The following RBFOX1 variants were observed in gnomAD, a reference collection of about 807,000 sequenced individuals.
RBFOX1 encodes the protein RNA binding protein fox-1 homolog 1.
RBFOX1 carries 8 observed loss-of-function variants against 57.7 expected under a neutral mutation model. The observed-to-expected ratio is 0.14, with a 90% CI of 0.08 to 0.25. RBFOX1 has a LOEUF of 0.25. Among genes scored for constraint, RBFOX1 ranks in the 10% least tolerant of loss-of-function variants. The pLI is 1.00. For synonymous variants in RBFOX1, 326 were observed against 222.4 expected, an observed-to-expected ratio of 1.47 and a Z score of -4.15; for missense variants, 611 against 548.5, an observed-to-expected ratio of 1.11 and a Z score of -1.14.
chr16:5,309,536 G>A (rs2064026998), intron 1 of RBFOX1, among the ~76,000 whole-genome samples: 8 of 152,026 alleles, frequency 5.3e-5, no homozygotes, highest in Admixed American at 5.2e-4. Context: ...TAAACTTAGG[G>A]GGTACAAGTG....
At chr16:6,004,850 C>T (rs910097203) in intron 4 of RBFOX1, among the ~76,000 whole-genome samples, 3 of 152,210 alleles carry the variant, frequency 2.0e-5, no homozygotes, top group Admixed American at 6.5e-5. Flanking sequence ...ACGTATTAGA[C>T]CTTAGGTGGA....
intron 2 of RBFOX1, among the ~76,000 whole-genome samples, chr16:6,452,199 G>A (rs911129689): frequency 1.4e-5 from 2 of 140,158 alleles, no homozygotes; most frequent in African/African-American, 5.5e-5. Context: ...TCCACCCATG[G>A]CTTCTTCCTT....
intron 1 of RBFOX1, among the ~76,000 whole-genome samples, chr16:5,427,153 G>T (rs2067586268): frequency 1.3e-5 from 2 of 152,194 alleles, no homozygotes; most frequent in Admixed American, 1.3e-4. Context: ...TGGAAGTAAG[G>T]TTGGAGCCCT....
At chr16:7,430,557 G>C (rs1320894787) in intron 4 of RBFOX1, among the ~76,000 whole-genome samples, 1 of 151,872 alleles carries the variant, frequency 6.6e-6, no homozygotes, top group Non-Finnish European at 1.5e-5. Flanking sequence ...AGCTACTCGA[G>C]AGGCTGAGGC....
At chr16:5,367,757 G>A (rs79241991) in intron 1 of RBFOX1, among the ~76,000 whole-genome samples, 1 of 152,170 alleles carries the variant, frequency 6.6e-6, no homozygotes, top group Non-Finnish European at 1.5e-5. Context: ...ATGAGACAGG[G>A]CACACGGAGG....
chr16:6,708,439 T>G (rs1342019297), intron 3 of RBFOX1, among the ~76,000 whole-genome samples: 1 of 152,228 alleles, frequency 6.6e-6, no homozygotes, highest in African/African-American at 2.4e-5. Flanking sequence ...ACCTGTCATT[T>G]TTGTGAAAAG....
chr16:7,207,438 A>C (rs556133654), intron 4 of RBFOX1, among the ~76,000 whole-genome samples: 1 of 152,314 alleles, frequency 6.6e-6, no homozygotes, highest in South Asian at 2.1e-4. Flanking sequence ...CAAAATAGTC[A>C]AAACATAACA....
intron 4 of RBFOX1, among the ~76,000 whole-genome samples, chr16:5,888,778 CAA>C (rs1277510170): frequency 9.3e-6 from 1 of 107,640 alleles, no homozygotes; most frequent in Non-Finnish European, 1.8e-5. Flanking sequence ...ATCTGGGCGA[CAA>C]GAGCGAAACT....
At chr16:5,365,173 G>A (rs560798484) in intron 1 of RBFOX1, among the ~76,000 whole-genome samples, 2 of 152,196 alleles carry the variant, frequency 1.3e-5, no homozygotes, top group South Asian at 4.2e-4. Flanking sequence ...CCTAAGTACC[G>A]CTTCGTGGAG....
intron 1 of RBFOX1, among the ~76,000 whole-genome samples, chr16:5,389,245 A>T (rs1429082435): frequency 6.6e-6 from 1 of 152,136 alleles, no homozygotes; most frequent in African/African-American, 2.4e-5. Flanking sequence ...GAAAATTTCA[A>T]AGAATGAAGG....
chr16:6,244,035 T>C (rs889471124), intron 1 of RBFOX1, among the ~76,000 whole-genome samples: 2 of 152,154 alleles, frequency 1.3e-5, no homozygotes, highest in Non-Finnish European at 2.9e-5. Context: ...GAGCCGTGAG[T>C]GATGCAGTCT....
chr16:6,122,802 A>ATATGTG (rs1555515061), intron 1 of RBFOX1, among the ~76,000 whole-genome samples: 2 of 147,736 alleles, frequency 1.4e-5, no homozygotes, highest in African/African-American at 2.5e-5. Context: ...ATGTGTGTGT[A>ATATGTG]TGTGTGTGTG....
At chr16:6,734,509 C>T (rs1016982241) in intron 3 of RBFOX1, among the ~76,000 whole-genome samples, 1 of 152,132 alleles carries the variant, frequency 6.6e-6, no homozygotes, top group African/African-American at 2.4e-5. Flanking sequence ...GGAAGTTAAA[C>T]CACTTACTTG....
intron 3 of RBFOX1, among the ~76,000 whole-genome samples, chr16:6,871,187 C>T (rs1439851730): frequency 6.6e-6 from 1 of 152,076 alleles, no homozygotes; most frequent in East Asian, 1.9e-4. Context: ...TTCAGAAAAT[C>T]ACCCCTGCTT....
intron 7 of RBFOX1, among the ~76,000 whole-genome samples, chr16:7,591,850 C>T (rs1400391013): frequency 6.6e-6 from 1 of 152,082 alleles, no homozygotes. Flanking sequence ...TTGCTGCTTC[C>T]CTGAGTTAGA....
intron 4 of RBFOX1, among the ~76,000 whole-genome samples, chr16:7,198,448 C>T (rs902675170): frequency 6.6e-6 from 1 of 152,188 alleles, no homozygotes; most frequent in Admixed American, 6.5e-5. Flanking sequence ...ATGAATTCCA[C>T]CTCCATTGCA....
At chr16:5,366,168 G>C (rs1596680544) in intron 1 of RBFOX1, 1 of 423,188 alleles carries the variant, frequency 2.4e-6, no homozygotes, top group East Asian at 5.8e-5. Context: ...TGCAGAGTCA[G>C]AAGACGAAGA....
intron 3 of RBFOX1, among the ~76,000 whole-genome samples, chr16:6,819,732 TAACAAC>T (rs1161084963): frequency 1.3e-5 from 1 of 76,150 alleles, no homozygotes; most frequent in East Asian, 3.6e-4. Flanking sequence ...AAAAAAAAAA[TAACAAC>T]ACCAAAAGGT....
intron 1 of RBFOX1, among the ~76,000 whole-genome samples, chr16:5,319,578 C>A (rs2064343230): frequency 6.6e-6 from 1 of 152,224 alleles, no homozygotes; most frequent in South Asian, 2.1e-4. Flanking sequence ...CAGGGACAAT[C>A]CAGGCCACGT....
Sources: allele counts gnomAD v4.1 joint callset (sites outside exome capture counted in the v4.1 genomes callset), GRCh38; gene constraint gnomAD v4.1.1; transcripts MANE v1.5; gene names NCBI Gene and HGNC (gene_info 2026-07-23, HGNC 2026-07-21).